SPHKAP: variants seen among roughly 807,000 people sequenced by gnomAD.
SPHKAP encodes the protein SPHK1 interactor, AKAP domain containing.
In SPHKAP, 67 loss-of-function variants were observed where a neutral mutation model predicts 137.5. The observed-to-expected ratio is 0.49, with a 90% confidence interval of 0.40 to 0.60. SPHKAP has a LOEUF of 0.60. Among genes scored for constraint, SPHKAP ranks in the 20% least tolerant of loss-of-function variants. The pLI, the probability that SPHKAP is intolerant of heterozygous loss-of-function variation, is 0.00. For synonymous variants in SPHKAP, 813 were observed against 785.3 expected, an observed-to-expected ratio of 1.04 and a Z score of -0.59; for missense variants, 2,097 against 2,069.3, an observed-to-expected ratio of 1.01 and a Z score of -0.26.
chr2:228,092,108 TACAC>T lies in SPHKAP; in HGVS notation c.246+16720_246+16723del, dbSNP rs1361278048. Among the ~76,000 whole-genome samples the T allele has an allele frequency of 2.4e-3, 348 of 143,870 alleles. 1 individual carries two copies. Among genetic ancestry groups the T allele is most frequent in the African/African-American group, 8.2e-3 (316 of 38,772 alleles). The allele number at this position is 143,870 out of a possible 152,430, so 94.4% of individuals were successfully genotyped here. On this transcript the variant is annotated intron_variant, in intron 3 of 11. Transcript: ENST00000392056. The stretch of plus-strand genomic sequence containing the variant: ...ATATATGTGTGTATATATGTATATA[TACAC>T]ATATATACATATACGTATATGTGTG...
intron 4 of SPHKAP, among the ~76,000 whole-genome samples, chr2:228,026,755 G>A (rs1574767023): frequency 6.6e-6 from 1 of 152,178 alleles, no homozygotes; most frequent in East Asian, 1.9e-4. Context: ...TTAGCTGTGT[G>A]GGAAACTGGG....
chr2:227,996,198 C>G (rs540472022), intron 7 of SPHKAP: 2 of 890,054 alleles, frequency 2.2e-6, no homozygotes, highest in African/African-American at 3.6e-5. Flanking sequence ...CAAGACGCCT[C>G]TATATTTTGA....
At chr2:228,180,804 G>A (rs1393557306) in intron 1 of SPHKAP, among the ~76,000 whole-genome samples, 1 of 152,210 alleles carries the variant, frequency 6.6e-6, no homozygotes, top group African/African-American at 2.4e-5. Flanking sequence ...TCTTAATTTC[G>A]CAAAGGACTG....
chr2:228,155,815 C>G (rs1329233105), intron 1 of SPHKAP, among the ~76,000 whole-genome samples: 1 of 152,176 alleles, frequency 6.6e-6, no homozygotes. Flanking sequence ...TGAGAGAAAT[C>G]CTATAAATGT....
chr2:228,017,620 C>T lies in SPHKAP; in HGVS notation c.3234G>A (p.Leu1078=), dbSNP rs756364559. The change falls in exon 7 of 12, where the codon CTG becomes CTA. Residue 1078 remains leucine, a synonymous_variant. Transcript: ENST00000392056. The part of the protein sequence containing the change: ...RLLSGDRWSR[L]KASSCESIPE... Reference sequence around the variant, plus strand: ...GAATGCTTTCGCAGCTGGAGGCCTTCAGCCGGCTCCACCTGTCGCCACTCA... The same window carrying T: ...GAATGCTTTCGCAGCTGGAGGCCTTTAGCCGGCTCCACCTGTCGCCACTCA... 1 of 1,613,992 alleles carries T rather than the reference C, an allele frequency of 6.2e-7. No homozygotes were observed. The highest frequency in any genetic ancestry group is 2.2e-5 in the East Asian group (1 of 44,858).
intron 1 of SPHKAP, among the ~76,000 whole-genome samples, chr2:228,156,142 G>T (rs1200071707): frequency 6.6e-6 from 1 of 152,110 alleles, no homozygotes; most frequent in Non-Finnish European, 1.5e-5. Flanking sequence ...TATACTTTTA[G>T]TGTTTACATG....
chr2:228,169,730 A>G (rs1399644780), intron 1 of SPHKAP: 2 of 152,126 alleles, frequency 1.3e-5, no homozygotes, highest in Non-Finnish European at 2.9e-5. Context: ...TTATGATTTA[A>G]AAAGTACATT....
intron 3 of SPHKAP, among the ~76,000 whole-genome samples, chr2:228,081,348 G>T (rs1471632728): frequency 6.6e-6 from 1 of 152,146 alleles, no homozygotes; most frequent in African/African-American, 2.4e-5. Context: ...ACAGACCACA[G>T]ACTGTTTGAT....
chr2:228,060,000 A>G (rs1696583133), intron 3 of SPHKAP, among the ~76,000 whole-genome samples: 1 of 152,228 alleles, frequency 6.6e-6, no homozygotes, highest in Admixed American at 6.5e-5. Flanking sequence ...ATTGAAGGGC[A>G]GAGAAATTAA....
chr2:228,155,047 A>G (rs1700068741), intron 1 of SPHKAP, among the ~76,000 whole-genome samples: 1 of 152,088 alleles, frequency 6.6e-6, no homozygotes, highest in Admixed American at 6.6e-5. Context: ...TTTTCATCCA[A>G]GTTAACCTCA....
chr2:228,083,080 T>G (rs1697414865), intron 3 of SPHKAP, among the ~76,000 whole-genome samples: 1 of 152,210 alleles, frequency 6.6e-6, no homozygotes. Flanking sequence ...CTATTTCACT[T>G]GTTAATATAG....
chr2:228,025,963 G>A, intron 4 of SPHKAP: 2 of 636,564 alleles, frequency 3.1e-6, no homozygotes, highest in Non-Finnish European at 3.9e-6. Flanking sequence ...ACGTGTTGTG[G>A]GAGGGACCTG....
chr2:228,139,783 A>G (rs1699537800), intron 1 of SPHKAP, among the ~76,000 whole-genome samples: 1 of 152,120 alleles, frequency 6.6e-6, no homozygotes, highest in Admixed American at 6.6e-5. Flanking sequence ...ATTTTAATGT[A>G]AGATAGAAAG....
chr2:228,088,781 G>A lies in SPHKAP; in HGVS notation c.246+20051C>T, dbSNP rs181627410. Among the ~76,000 whole-genome samples the A allele has an allele frequency of 4.9e-4, 74 of 152,198 alleles. 1 individual carries two copies. Among genetic ancestry groups the A allele is most frequent in the African/African-American group, 1.7e-3 (69 of 41,528 alleles). On this transcript the variant is annotated intron_variant, in intron 3 of 11. Transcript: ENST00000392056. Reference sequence around the variant, plus strand: ...TTCTCTCTTGCCATGTGATGCACTGGCTCTCTTTTACCTTCTGCCATGATT... The same window carrying A: ...TTCTCTCTTGCCATGTGATGCACTGACTCTCTTTTACCTTCTGCCATGATT...
chr2:228,172,879 A>G (rs1700626326), intron 1 of SPHKAP: 1 of 196,254 alleles, frequency 5.1e-6, no homozygotes, highest in Admixed American at 6.5e-5. Context: ...GAAGAGACAC[A>G]TATCCCTTCT....
At chr2:227,998,800 C>T (rs1325684362) in intron 7 of SPHKAP, among the ~76,000 whole-genome samples, 2 of 152,150 alleles carry the variant, frequency 1.3e-5, no homozygotes, top group African/African-American at 4.8e-5. Flanking sequence ...TGGGAAGGAC[C>T]TCTCCTCTTG....
At chr2:228,119,106 C>T (rs940107331) in intron 2 of SPHKAP, among the ~76,000 whole-genome samples, 1 of 152,078 alleles carries the variant, frequency 6.6e-6, no homozygotes, top group Non-Finnish European at 1.5e-5. Flanking sequence ...GAGAAGCCAG[C>T]CACACTCCCA....
intron 1 of SPHKAP, among the ~76,000 whole-genome samples, chr2:228,180,633 C>T (rs1391321030): frequency 6.6e-6 from 1 of 152,206 alleles, no homozygotes; most frequent in East Asian, 1.9e-4. Context: ...CCAGGACACC[C>T]TCTCCCTGGG....
chr2:227,997,655 C>A (rs533677713), intron 7 of SPHKAP, among the ~76,000 whole-genome samples: 1 of 152,226 alleles, frequency 6.6e-6, no homozygotes, highest in South Asian at 2.1e-4. Context: ...CAAGACACTC[C>A]CACCTCCCCA....
Sources: gnomAD v4.1 joint callset for allele counts (sites outside exome capture counted in the v4.1 genomes callset) on GRCh38, gnomAD v4.1.1 for gene constraint, MANE v1.5 for transcripts, NCBI Gene and HGNC (gene_info 2026-07-23, HGNC 2026-07-21) for gene names.